The following PTPRT variants were observed in gnomAD, a reference collection of about 807,000 sequenced individuals.
PTPRT encodes the protein protein tyrosine phosphatase receptor type T.
In PTPRT, 56 loss-of-function variants were observed where a neutral mutation model predicts 176.8. That is an observed-to-expected ratio of 0.32 (90% CI 0.26 to 0.40). The LOEUF (loss-of-function observed/expected upper bound fraction) is 0.40. PTPRT is among the 10% of genes least tolerant of loss of function. PTPRT has a pLI of 1.00. For missense variants in PTPRT, 1,540 were observed against 1,908.2 expected (o/e 0.81, Z 3.60); for synonymous variants, 783 against 739.0 (o/e 1.06, Z -0.96).
At chr20:42,898,118 C>T (rs898040775) in intron 1 of PTPRT, among the ~76,000 whole-genome samples, 1 of 152,188 alleles carries the variant, frequency 6.6e-6, no homozygotes, top group Middle Eastern at 3.2e-3. Context: ...CCCCTTACTA[C>T]TGTGTGACTT....
chr20:43,036,565 AT>A (rs1986387823), intron 1 of PTPRT, among the ~76,000 whole-genome samples: 1 of 130,558 alleles, frequency 7.7e-6, no homozygotes, highest in African/African-American at 3.9e-5. Flanking sequence ...GTGTTTAAGA[AT>A]TTACAAAAAA....
Position 42,677,806 on chromosome 20 carries a change from G to C in PTPRT, c.1153+60C>G, listed in dbSNP as rs2075532502. 7.1e-6 allele frequency: 11 copies of C among 1,542,380 alleles called. No homozygotes were observed. In the South Asian group the frequency reaches 9.8e-5, roughly 14 times the overall value. ...TCTGTCACAGGAAGGCAAGAGGAAAGCCAGTCTTGGCAATAGCACAGCCTC... is the reference window on the plus strand; with the variant it reads ...TCTGTCACAGGAAGGCAAGAGGAAACCCAGTCTTGGCAATAGCACAGCCTC... On this transcript the variant is annotated intron_variant, in intron 7 of 30. Transcript: ENST00000373187.
chr20:42,205,182 G>T (rs1484415210), intron 15 of PTPRT, among the ~76,000 whole-genome samples: 1 of 151,978 alleles, frequency 6.6e-6, no homozygotes, highest in Non-Finnish European at 1.5e-5. Flanking sequence ...TAGCAAAGTA[G>T]AACTGCTTAG....
intron 7 of PTPRT, among the ~76,000 whole-genome samples, chr20:42,517,480 T>G (rs2072090198): frequency 6.6e-6 from 1 of 152,024 alleles, no homozygotes; most frequent in South Asian, 2.1e-4. Flanking sequence ...ATCTTTCTAT[T>G]GTACATATGC....
intron 13 of PTPRT, among the ~76,000 whole-genome samples, chr20:42,260,557 A>G (rs1217329893): frequency 6.6e-6 from 1 of 152,234 alleles, no homozygotes; most frequent in Non-Finnish European, 1.5e-5. Flanking sequence ...AGCTGTGGTC[A>G]CACTGAACTG....
intron 8 of PTPRT, among the ~76,000 whole-genome samples, chr20:42,455,739 T>C (rs2070911051): frequency 6.6e-6 from 1 of 152,146 alleles, no homozygotes; most frequent in Admixed American, 6.5e-5. Context: ...CTGTCACATT[T>C]CCACATATGT....
Position 42,935,223 on chromosome 20 carries a change from T to C in PTPRT, c.89-49291A>G, listed in dbSNP as rs370848716. On this transcript the variant is annotated intron_variant, in intron 1 of 30. Coordinates refer to ENST00000373187, the MANE Select transcript of PTPRT (RefSeq NM_007050.6). ...GGCATGATCATAGCTCACTGTAACC[T>C]CATATTCCTGGGCACAAGCAATCCT... Among the ~76,000 whole-genome samples, 36 of 126,250 alleles carry C rather than the reference T, an allele frequency of 2.9e-4. No homozygotes were observed. The East Asian group carries it at 7.5e-3, about 26-fold the overall frequency. 82.8% of individuals were successfully genotyped at this position (126,250 alleles called of 152,430 possible). A position where few individuals can be genotyped will look rare whatever the true frequency, so the allele number is the denominator to read the frequency against.
chr20:43,096,453 G>A (rs2012171848), intron 1 of PTPRT, among the ~76,000 whole-genome samples: 1 of 152,224 alleles, frequency 6.6e-6, no homozygotes, highest in Admixed American at 6.5e-5. Flanking sequence ...GGAAGAGGCT[G>A]CTGGCAAGTA....
At chr20:43,088,535 G>A (rs1359498305) in intron 1 of PTPRT, among the ~76,000 whole-genome samples, 1 of 151,928 alleles carries the variant, frequency 6.6e-6, no homozygotes, top group Non-Finnish European at 1.5e-5. Context: ...AACACCATCA[G>A]GAAAGTACAG....
rs139379951 is a variant in PTPRT, at chr20:42,153,553, T to C, written c.2682+7799A>G. Among the ~76,000 whole-genome samples the C allele has an allele frequency of 7.2e-3, 1,093 of 152,298 alleles. 4 individuals are homozygous for C. Among genetic ancestry groups the C allele is most frequent in the South Asian group, 0.018 (88 of 4,824 alleles). On this transcript the variant is annotated intron_variant, in intron 17 of 30. Transcript: ENST00000373187. ...CCATGTGCTCTGTTAGAAACAATAT[T>C]GTAAGTAGAACAATAAAAATAGGCT...
intron 1 of PTPRT, among the ~76,000 whole-genome samples, chr20:42,936,035 C>T (rs1019700385): frequency 6.6e-6 from 1 of 152,170 alleles, no homozygotes; most frequent in East Asian, 1.9e-4. Flanking sequence ...GGTGACCAAA[C>T]ACTATTCTAA....
intron 9 of PTPRT, among the ~76,000 whole-genome samples, chr20:42,407,281 G>A (rs1172161195): frequency 6.6e-6 from 1 of 152,172 alleles, no homozygotes; most frequent in Non-Finnish European, 1.5e-5. Flanking sequence ...ACCTGATCCT[G>A]ATAACACAGT....
chr20:42,068,111 A>G (rs1982152479), downstream of PTPRT, among the ~76,000 whole-genome samples: 1 of 152,148 alleles, frequency 6.6e-6, no homozygotes, highest in South Asian at 2.1e-4. Context: ...CCAGGCCCCT[A>G]TCAGTCAAAG....
intron 9 of PTPRT, among the ~76,000 whole-genome samples, chr20:42,400,266 T>C (rs1320309250): frequency 2.0e-5 from 3 of 152,158 alleles, no homozygotes; most frequent in African/African-American, 7.2e-5. Flanking sequence ...GACTTCCATA[T>C]GACTTTTTTT....
chr20:42,574,132 AG>A (rs1318681696), intron 7 of PTPRT, among the ~76,000 whole-genome samples: 5 of 152,156 alleles, frequency 3.3e-5, no homozygotes, highest in Non-Finnish European at 7.4e-5. Context: ...TGGGTTGCAG[AG>A]CCAGGCAGAG....
chr20:42,432,209 C>T (rs1470628681), intron 9 of PTPRT, among the ~76,000 whole-genome samples: 1 of 152,158 alleles, frequency 6.6e-6, no homozygotes, highest in Admixed American at 6.5e-5. Flanking sequence ...GACTTGATAC[C>T]CAGGAGCCTA....
intron 9 of PTPRT, among the ~76,000 whole-genome samples, chr20:42,375,154 C>T (rs1037657214): frequency 4.6e-5 from 7 of 151,866 alleles, no homozygotes; most frequent in South Asian, 2.1e-4. Flanking sequence ...GTGTGTGTGT[C>T]GGGGGGACAG....
chr20:42,197,223 C>T (rs1213463387), intron 16 of PTPRT, among the ~76,000 whole-genome samples: 1 of 151,468 alleles, frequency 6.6e-6, no homozygotes, highest in African/African-American at 2.4e-5. Context: ...ACTAAAAATA[C>T]AAAAAATTAG....
intron 1 of PTPRT, among the ~76,000 whole-genome samples, chr20:43,099,932 C>A (rs533226251): frequency 6.6e-6 from 1 of 152,266 alleles, no homozygotes; most frequent in East Asian, 1.9e-4. Flanking sequence ...GCCTTGGGAG[C>A]TCCCACAGAC....
Sources: allele counts gnomAD v4.1 joint callset (sites outside exome capture counted in the v4.1 genomes callset), GRCh38; gene constraint gnomAD v4.1.1; transcripts MANE v1.5; gene names NCBI Gene and HGNC (gene_info 2026-07-23, HGNC 2026-07-21).